BCL2L13: variants seen among roughly 807,000 people sequenced by gnomAD.
The protein encoded by BCL2L13 is bcl-2-like protein 13.
In BCL2L13, 13 loss-of-function variants were observed where a neutral mutation model predicts 25.8. The observed-to-expected ratio is 0.50, with a 90% CI of 0.33 to 0.80. The LOEUF (loss-of-function observed/expected upper bound fraction) is 0.80. BCL2L13 is among the 30% of genes least tolerant of loss of function. The pLI, the probability that BCL2L13 is intolerant of heterozygous loss-of-function variation, is 0.02. For synonymous variants in BCL2L13, 244 were observed against 230.3 expected (o/e 1.06, Z -0.54); for missense variants, 504 against 574.9 (o/e 0.88, Z 1.26).
chr22:17,655,791 C>G lies in BCL2L13; in HGVS notation c.80C>G (p.Ser27Cys), dbSNP rs368311793. 1.5e-5 allele frequency: 24 copies of G among 1,613,776 alleles called. No individual in the cohort carries two copies. Among genetic ancestry groups the G allele is most frequent in the Non-Finnish European group, 2.0e-5 (24 of 1,179,840 alleles). ...YVVLSYLGLLSQEKLQEQHLS... is the reference protein window; with the variant it reads ...YVVLSYLGLLCQEKLQEQHLS... Reference sequence around the variant, plus strand: ...GTTCTCAGCTACTTGGGACTCCTCTCTCAAGAGAAGCTGCAAGAGCAACAT... The same window carrying G: ...GTTCTCAGCTACTTGGGACTCCTCTGTCAAGAGAAGCTGCAAGAGCAACAT... The change falls in exon 2 of 7, where the codon TCT (serine) becomes TGT (cysteine). Residue 27 changes from serine to cysteine, a missense_variant. Physicochemically the swap from Ser to Cys is moderately radical, Grantham distance 112 (BLOSUM62 -1). Transcript: ENST00000317582.
chr22:17,638,676 C>CTCCGGATACCGT (rs1384295174), upstream of BCL2L13: 2 of 1,231,604 alleles, frequency 1.6e-6, no homozygotes, highest in Non-Finnish European at 2.0e-6. Flanking sequence ...GGTCCTTCCG[C>CTCCGGATACCGT]TCCGGATACC....
At chr22:17,680,543 A>G (rs2059717937) in intron 2 of BCL2L13, among the ~76,000 whole-genome samples, 1 of 29,980 alleles carries the variant, frequency 3.3e-5, no homozygotes. Flanking sequence ...AAAAAAAAAG[A>G]AAAAAAGACT....
chr22:17,646,227 G>T lies in BCL2L13; in HGVS notation c.-51+7341G>T, dbSNP rs142485855. ...CATATTATGTTTAATAGTTTGAATCGTACAAATTATAGCAGGTTTTTTGTT... is the reference window on the plus strand; with the variant it reads ...CATATTATGTTTAATAGTTTGAATCTTACAAATTATAGCAGGTTTTTTGTT... On this transcript the variant is annotated intron_variant, in intron 1 of 6. Coordinates refer to ENST00000317582, the MANE Select transcript of BCL2L13 (RefSeq NM_015367.4). Among the ~76,000 whole-genome samples the T allele has an allele frequency of 3.6e-4, 55 of 151,404 alleles. 1 individual carries two copies. The highest frequency in any genetic ancestry group is 1.2e-3 in the African/African-American group (48 of 40,752).
In BCL2L13 at chr22:17,688,995, G is replaced by A. The variant is rs758350701; in HGVS notation, c.239G>A (p.Ser80Asn). 1 of 1,613,036 alleles carries A rather than the reference G, an allele frequency of 6.2e-7. No individual in the cohort carries two copies. The change falls in exon 4 of 7, where the codon AGC becomes AAC. Residue 80 changes from serine (S) to asparagine (N), a missense_variant. Coordinates refer to ENST00000317582, the MANE Select transcript of BCL2L13 (RefSeq NM_015367.4). The stretch of plus-strand genomic sequence containing the variant: ...TTTGTCCTATCTTCAGCCTTCACCA[G>A]CACAGGCTTTGACCGTCACACTTCT... ...LDKEISEAFT[S>N]TGFDRHTSPV... is the part of the protein sequence containing the mutation.
At chr22:17,638,928 AGGT>A (rs2058163923) in intron 1 of BCL2L13, 42 bp downstream of exon 1, 1 of 1,228,352 alleles carries the variant, frequency 8.1e-7, no homozygotes, top group Non-Finnish European at 1.0e-6. Flanking sequence ...CTGGGTGAGG[AGGT>A]GGTTTTCACC....
At chr22:17,674,267 G>A (rs2059507174) in intron 2 of BCL2L13, among the ~76,000 whole-genome samples, 2 of 152,162 alleles carry the variant, frequency 1.3e-5, no homozygotes, top group Non-Finnish European at 2.9e-5. Context: ...GACAGTTTAT[G>A]TTGAGCAAAA....
chr22:17,650,181 T>C (rs1165461732), intron 1 of BCL2L13, among the ~76,000 whole-genome samples: 4 of 152,172 alleles, frequency 2.6e-5, no homozygotes, highest in African/African-American at 9.7e-5. Context: ...ACTCTTCTTA[T>C]TTTCATTCTT....
At chr22:17,692,848 ATATTT>A (rs1425532349) in intron 4 of BCL2L13, among the ~76,000 whole-genome samples, 4 of 152,382 alleles carry the variant, frequency 2.6e-5, no homozygotes, top group East Asian at 1.9e-4. Flanking sequence ...AAAATTTTTA[ATATTT>A]TATTTAGCCC....
At chr22:17,647,819 ATG>A (rs1405792066) in intron 1 of BCL2L13, among the ~76,000 whole-genome samples, 1 of 152,170 alleles carries the variant, frequency 6.6e-6, no homozygotes, top group Admixed American at 6.6e-5. Flanking sequence ...TAATTTATAT[ATG>A]ATGTTTATTA....
intron 6 of BCL2L13, among the ~76,000 whole-genome samples, chr22:17,715,158 ATATATATATATATTTTTTTTTTTTTTT>A (rs2060902067): frequency 0.012 from 67 of 5,430 alleles, 1 homozygote; most frequent in Non-Finnish European, 0.016. Context: ...ATATATATAT[ATATATATATATATTTTTTTTTTTTTTT>A]TTTTTTTTTT....
At position 17,655,571 on chromosome 22, in the gene BCL2L13, A is replaced by G. The variant is rs548814607; in HGVS notation, c.-50-91A>G. 1.3e-5 allele frequency: 14 copies of G among 1,053,354 alleles called. No homozygotes were observed. In the African/African-American group the frequency reaches 1.6e-4, roughly 12 times the overall value. The allele number at this position is 1,053,354 out of a possible 1,614,324, so 65.3% of individuals were successfully genotyped here. ...GCGACAAGAGCAAGACTCTACCTCA[A>G]AAGAGTTGCACAAGACATTTTGGTG... On this transcript the variant is annotated intron_variant, in intron 1 of 6. Transcript: ENST00000317582.
intron 2 of BCL2L13, among the ~76,000 whole-genome samples, chr22:17,671,453 G>A (rs1341641379): frequency 6.7e-6 from 1 of 149,082 alleles, no homozygotes; most frequent in Non-Finnish European, 1.5e-5. Context: ...TGTAGTCCCA[G>A]CTACTCAGGA....
intron 1 of BCL2L13, among the ~76,000 whole-genome samples, chr22:17,630,659 C>T (rs1309920778): frequency 1.4e-5 from 2 of 147,270 alleles, no homozygotes; most frequent in African/African-American, 5.1e-5. Context: ...GGCAGAATCT[C>T]GGCTCACCAC....
Position 17,686,854 on chromosome 22 carries a change from C to T in BCL2L13, c.230-2132C>T, listed in dbSNP as rs563545782. On this transcript the variant is annotated intron_variant, in intron 3 of 6. Transcript: ENST00000317582. The stretch of plus-strand genomic sequence containing the variant: ...TTTTGAAATGATTAAATTTCTGATT[C>T]TCTTCATGTATATTCTGGTAACAGC... 6.6e-5 allele frequency among the ~76,000 whole-genome samples: 10 copies of T among 152,270 alleles called. No homozygotes were observed. In the South Asian group the frequency reaches 2.1e-3, roughly 32 times the overall value.
At chr22:17,689,915 A>G (rs550723717) in intron 4 of BCL2L13, among the ~76,000 whole-genome samples, 3 of 152,030 alleles carry the variant, frequency 2.0e-5, no homozygotes, top group African/African-American at 4.8e-5. Flanking sequence ...AGGGTTGCAC[A>G]TCTGCCAATG....
chr22:17,706,902 A>C (rs2060610224), intron 6 of BCL2L13: 1 of 1,151,580 alleles, frequency 8.7e-7, no homozygotes, highest in South Asian at 1.2e-5. Flanking sequence ...AGATTCCATA[A>C]AAGATTACTG....
chr22:17,701,096 A>ATT (rs201810138), intron 5 of BCL2L13, among the ~76,000 whole-genome samples: 1 of 150,356 alleles, frequency 6.7e-6, no homozygotes, highest in Non-Finnish European at 1.5e-5. Context: ...TTCAATATGC[A>ATT]TTTTTTTTTA....
chr22:17,719,962 G>A (rs113793449), intron 6 of BCL2L13, among the ~76,000 whole-genome samples: 9 of 152,100 alleles, frequency 5.9e-5, no homozygotes, highest in African/African-American at 2.2e-4. Flanking sequence ...CTACTTCTCA[G>A]AATAGGCAAT....
rs1213836710 is a variant in BCL2L13, at chr22:17,631,692, ATATATATATATATATTTTTTTTTTT to A, written c.-650+2689_-650+2713del. Among the ~76,000 whole-genome samples the A allele has an allele frequency of 3.6e-4, 21 of 57,578 alleles. 1 individual carries two copies. Among genetic ancestry groups the A allele is most frequent in the Non-Finnish European group, 5.9e-4 (19 of 32,380 alleles). The allele number at this position is 57,578 out of a possible 152,430, so 37.8% of individuals were successfully genotyped here. A position where few individuals can be genotyped will look rare whatever the true frequency, so the allele number is the denominator to read the frequency against. On this transcript the variant is annotated intron_variant, in intron 1 of 6. Transcript: ENST00000399782. ...TGTGTATATATATATATATATATAT[ATATATATATATATATTTTTTTTTTT>A]TTTTTTTTTTTTTTTTTTTTTGAGA...
Sources: allele counts gnomAD v4.1 joint callset (sites outside exome capture counted in the v4.1 genomes callset), GRCh38; gene constraint gnomAD v4.1.1; transcripts MANE v1.5; gene names NCBI Gene and HGNC (gene_info 2026-07-23, HGNC 2026-07-21).